Variants in S100A1 observed in about 807,000 individuals in gnomAD.
S100A1 encodes the protein protein S100-A1.
A neutral mutation model predicts 7.6 loss-of-function variants in S100A1; 3 were observed. The ratio of observed to expected loss-of-function variants is 0.40; its 90% CI spans 0.18 to 1.02. S100A1 has a LOEUF of 1.02. S100A1 is among the 50% of genes least tolerant of loss of function. The pLI is 0.35. For missense variants in S100A1, 126 were observed against 115.0 expected (o/e 1.10, Z -0.44); for synonymous variants, 49 against 49.0 (o/e 1.00, Z 0.00).
rs577709564 is a variant in S100A1, at chr1:153,628,749, C to G, written c.-14+253C>G. On this transcript the variant is annotated intron_variant, in intron 1 of 2. Coordinates refer to ENST00000292169, the MANE Select transcript of S100A1 (RefSeq NM_006271.2). The stretch of plus-strand genomic sequence containing the variant: ...AGGAGGAAGCCAGTGGGGAACCCAC[C>G]ATGAGCTTCCTGACCGCCTGGCCCT... 8.7e-6 allele frequency: 5 copies of G among 577,988 alleles called. No individual in the cohort carries two copies. In the South Asian group the frequency reaches 1.3e-4, roughly 15 times the overall value. 35.8% of individuals were successfully genotyped at this position (577,988 alleles called of 1,614,324 possible).
At chr1:153,630,353 C>T in intron 1 of S100A1, 156 bp from the exon 2 acceptor site, 1 of 936,676 alleles carries the variant, frequency 1.1e-6, no homozygotes, top group Non-Finnish European at 1.6e-6. Flanking sequence ...GTTTCCCTCA[C>T]ATTGTAAAAT....
intron 2 of S100A1, 66 bp downstream of exon 2, chr1:153,630,728 C>G (rs1667966596): frequency 6.4e-7 from 1 of 1,553,956 alleles, no homozygotes; most frequent in African/African-American, 1.4e-5. Flanking sequence ...TGGACACCCC[C>G]TTGCTATCTC....
At position 153,631,797 on chromosome 1, in the gene S100A1, G is replaced by A. The variant is rs1668025028; in HGVS notation, c.241G>A (p.Ala81Thr). Residue 81 changes from alanine to threonine, a missense_variant, in exon 3 of 3, where the codon GCT becomes ACT. Transcript: ENST00000292169. Reference protein sequence around the residue: ...DFQEYVVLVAALTVACNNFFW... With the variant: ...DFQEYVVLVATLTVACNNFFW... ...CCAGGAGTATGTGGTGCTTGTGGCT[G>A]CTCTCACAGTGGCCTGTAACAATTT... 11 of 1,614,164 alleles carry A rather than the reference G, an allele frequency of 6.8e-6. No homozygotes were observed. The highest frequency in any genetic ancestry group is 8.5e-6 in the Non-Finnish European group (10 of 1,180,028).
Position 153,630,703 on chromosome 1 carries a change from G to A in S100A1, c.141+41G>A, listed in dbSNP as rs370698430. ...TGGAGTGGGAGTGGAGTGGGTGAAG[G>A]TTGGGGGAATGGGGTGGACACCCCC... On this transcript the variant is annotated intron_variant, in intron 2 of 2. Coordinates refer to ENST00000292169, the MANE Select transcript of S100A1 (RefSeq NM_006271.2). The A allele has an allele frequency of 5.0e-6, 8 of 1,606,400 alleles. No individual in the cohort carries two copies. The African/African-American group carries it at 9.4e-5, about 19-fold the overall frequency.
At chr1:153,629,962 C>G (rs985242) in intron 1 of S100A1, 94,349 of 155,582 alleles carry the variant, frequency 0.61, 29,374 homozygotes, top group Admixed American at 0.72. Flanking sequence ...AGAAGGCGTA[C>G]GCCACCCACT....
chr1:153,631,198 G>A (rs1667992426), intron 2 of S100A1: 2 of 445,110 alleles, frequency 4.5e-6, no homozygotes, highest in Non-Finnish European at 8.0e-6. Context: ...AGAAAACTAG[G>A]CTGCTAAGGC....
intron 1 of S100A1, chr1:153,628,744 C>A: frequency 3.2e-6 from 2 of 622,882 alleles, no homozygotes; most frequent in Admixed American, 3.2e-5. Context: ...CAGTGGGGAA[C>A]CCACCATGAG....
intron 2 of S100A1, chr1:153,631,368 T>C: frequency 8.0e-7 from 1 of 1,252,374 alleles, no homozygotes; most frequent in Non-Finnish European, 1.1e-6. Context: ...GTTTCTTCTC[T>C]AGAATGGAAA....
intron 1 of S100A1, chr1:153,629,901 G>A (rs1420421296): frequency 6.5e-6 from 1 of 153,654 alleles, no homozygotes; most frequent in Non-Finnish European, 1.4e-5. Context: ...GACCAAAAGG[G>A]GCCCCCAGCT....
intron 2 of S100A1, chr1:153,631,204 A>G: frequency 2.1e-6 from 1 of 469,636 alleles, no homozygotes; most frequent in Non-Finnish European, 3.8e-6. Context: ...CTAGGCTGCT[A>G]AGGCTAACCA....
At chr1:153,630,935 A>C (rs968028665) in intron 2 of S100A1, 3 of 472,492 alleles carry the variant, frequency 6.3e-6, no homozygotes, top group Non-Finnish European at 1.1e-5. Context: ...TTGACACTTA[A>C]AAGTAAACCA....
In S100A1 at chr1:153,631,993, C is replaced by T; in HGVS notation, c.*152C>T. 1.3e-6 allele frequency: 1 copy of T among 762,850 alleles called. No homozygotes were observed. Among genetic ancestry groups the T allele is most frequent in the Admixed American group, 3.0e-5 (1 of 33,110 alleles). The allele number at this position is 762,850 out of a possible 1,614,324, so 47.3% of individuals were successfully genotyped here. ...CACCAAGGGCGCAAGAGTAGCGGTC[C>T]AAGCCTGCAACTCATCTTTCATTAA... On this transcript the variant is annotated 3_prime_UTR_variant, in exon 3 of 3. Coordinates refer to ENST00000292169, the MANE Select transcript of S100A1 (RefSeq NM_006271.2).
Position 153,631,948 on chromosome 1 carries a change from G to A in S100A1, c.*107G>A. 6.7e-6 allele frequency: 8 copies of A among 1,199,004 alleles called. No individual in the cohort carries two copies. Among genetic ancestry groups the A allele is most frequent in the Non-Finnish European group, 8.7e-6 (8 of 921,760 alleles). The allele number at this position is 1,199,004 out of a possible 1,614,324, so 74.3% of individuals were successfully genotyped here. ...TATCCCTCTCCATAACCCCACCCTT[G>A]CCCACCCCACCCCCACCCCCACCAA... On this transcript the variant is annotated 3_prime_UTR_variant, in exon 3 of 3. Coordinates refer to ENST00000292169, the MANE Select transcript of S100A1 (RefSeq NM_006271.2).
intron 1 of S100A1, 90 bp from the exon 2 acceptor site, chr1:153,630,419 A>G: frequency 6.8e-7 from 1 of 1,475,962 alleles, no homozygotes; most frequent in South Asian, 1.4e-5. Context: ...TTGAGCTGTC[A>G]GCCAGGGCCA....
chr1:153,629,597 C>G (rs1209430878), intron 1 of S100A1: 1 of 152,616 alleles, frequency 6.6e-6, no homozygotes, highest in East Asian at 1.9e-4. Flanking sequence ...TCTCTCCCAG[C>G]CCCTTGAACT....
At chr1:153,629,959 G>T (rs1411273) in intron 1 of S100A1, 94,264 of 155,466 alleles carry the variant, frequency 0.61, 29,347 homozygotes, top group Admixed American at 0.72. Flanking sequence ...CCCAGAAGGC[G>T]TACGCCACCC....
chr1:153,631,892 C>A lies in S100A1; in HGVS notation c.*51C>A. 1 of 1,589,936 alleles carries A rather than the reference C, an allele frequency of 6.3e-7. No individual in the cohort carries two copies. The highest frequency in any genetic ancestry group is 8.6e-7 in the Non-Finnish European group (1 of 1,168,396). Reference sequence around the variant, plus strand: ...CTTCCTCTCCACCCTCCCAGACCTGCCTCTTCCCCCTGCTTCCACCTCACC... The same window carrying A: ...CTTCCTCTCCACCCTCCCAGACCTGACTCTTCCCCCTGCTTCCACCTCACC... On this transcript the variant is annotated 3_prime_UTR_variant, in exon 3 of 3. Transcript: ENST00000292169.
Position 153,630,529 on chromosome 1 carries a change from C to G in S100A1, c.8C>G (p.Ser3Cys), listed in dbSNP as rs1332323109. The G allele has an allele frequency of 6.2e-7, 1 of 1,614,092 alleles. No individual in the cohort carries two copies. The highest frequency in any genetic ancestry group is 1.3e-5 in the African/African-American group (1 of 74,948). Residue 3 changes from serine to cysteine, a missense_variant, in exon 2 of 3, where the codon TCT becomes TGT. Physicochemically the swap from Ser to Cys is moderately radical, Grantham distance 112. Coordinates refer to ENST00000292169, the MANE Select transcript of S100A1 (RefSeq NM_006271.2). ...GGTAGGTGCACTGCTGCAATGGGCT[C>G]TGAGCTGGAGACGGCGATGGAGACC... is the stretch of plus-strand genomic sequence containing the variant. MG[S>C]ELETAMETLI...
intron 1 of S100A1, 133 bp downstream of exon 1, chr1:153,628,629 G>A (rs1667818044): frequency 7.1e-7 from 1 of 1,415,652 alleles, no homozygotes; most frequent in African/African-American, 1.4e-5. Flanking sequence ...CAGTCAGGGT[G>A]AGGGCAGTTT....
Sources: gnomAD v4.1 joint callset for allele counts on GRCh38, gnomAD v4.1.1 for gene constraint, MANE v1.5 for transcripts, NCBI Gene and HGNC (gene_info 2026-07-23, HGNC 2026-07-21) for gene names.